The following DLGAP4 variants were observed in gnomAD, a reference collection of about 807,000 sequenced individuals.
DLGAP4 encodes the protein disks large-associated protein 4.
A neutral mutation model predicts 86.9 loss-of-function variants in DLGAP4; 18 were observed. The ratio of observed to expected loss-of-function variants is 0.21; its 90% CI spans 0.14 to 0.31. The LOEUF (loss-of-function observed/expected upper bound fraction) is 0.31. Among genes scored for constraint, DLGAP4 ranks in the 10% least tolerant of loss-of-function variants. The pLI is 1.00. For missense variants in DLGAP4, 1,085 were observed against 1,362.6 expected (o/e 0.80, Z 3.21); for synonymous variants, 548 against 574.3 (o/e 0.95, Z 0.65).
In DLGAP4 at chr20:36,341,975, G is replaced by A. The variant is rs1458232187; in HGVS notation, c.-303-25070G>A. On this transcript the variant is annotated intron_variant, in intron 1 of 12. Coordinates refer to ENST00000339266, the MANE Select transcript of DLGAP4 (RefSeq NM_001365621.2). ...TTCTCCTCATTTCTTTGAGCAGATTGAAGAGTGGGAACAGCAGCAGGCTGT... is the reference window on the plus strand; with the variant it reads ...TTCTCCTCATTTCTTTGAGCAGATTAAAGAGTGGGAACAGCAGCAGGCTGT... Among the ~76,000 whole-genome samples, 3 of 152,218 alleles carry A rather than the reference G, an allele frequency of 2.0e-5. No homozygotes were observed. In the East Asian group the frequency reaches 5.8e-4, roughly 29 times the overall value.
intron 2 of DLGAP4, among the ~76,000 whole-genome samples, chr20:36,411,849 C>T (rs1322479243): frequency 6.6e-6 from 1 of 152,076 alleles, no homozygotes; most frequent in African/African-American, 2.4e-5. Flanking sequence ...CTACTTATCC[C>T]TTTTTATGAA....
At chr20:36,416,839 C>T (rs890883389) in intron 2 of DLGAP4, among the ~76,000 whole-genome samples, 5 of 152,098 alleles carry the variant, frequency 3.3e-5, no homozygotes, top group Non-Finnish European at 7.4e-5. Flanking sequence ...GTGGAGAGGC[C>T]TATCCATCAA....
chr20:36,383,577 A>G (rs528378791), intron 2 of DLGAP4, among the ~76,000 whole-genome samples: 8 of 152,202 alleles, frequency 5.3e-5, no homozygotes, highest in African/African-American at 1.9e-4. Flanking sequence ...TTCCTAGTCA[A>G]GAACCTCCAG....
intron 7 of DLGAP4, among the ~76,000 whole-genome samples, chr20:36,471,136 T>G (rs577877728): frequency 1.3e-5 from 2 of 152,340 alleles, no homozygotes; most frequent in Non-Finnish European, 2.9e-5. Context: ...GTTTCCTCCA[T>G]GAGCTCCTCT....
At chr20:36,509,115 A>G (rs114898074) in intron 10 of DLGAP4, among the ~76,000 whole-genome samples, 204 of 152,234 alleles carry the variant, frequency 1.3e-3, no homozygotes, top group African/African-American at 4.4e-3. Flanking sequence ...TCATTCTTCT[A>G]TTGGATTCTC....
intron 2 of DLGAP4, among the ~76,000 whole-genome samples, chr20:36,381,326 A>G (rs915584705): frequency 4.6e-5 from 7 of 152,260 alleles, no homozygotes; most frequent in Non-Finnish European, 1.0e-4. Context: ...GTCAAAACAG[A>G]GGATTTATTT....
intron 2 of DLGAP4, among the ~76,000 whole-genome samples, chr20:36,370,348 A>AG (rs1269173198): frequency 2.0e-5 from 3 of 152,066 alleles, no homozygotes; most frequent in South Asian, 2.1e-4. Flanking sequence ...AAAAAAAAAA[A>AG]AATTTAAATA....
chr20:36,421,869 G>T (rs575043623), intron 2 of DLGAP4, among the ~76,000 whole-genome samples: 1 of 152,168 alleles, frequency 6.6e-6, no homozygotes, highest in Non-Finnish European at 1.5e-5. Flanking sequence ...GAGACAGATT[G>T]GGCGGAAGAT....
chr20:36,417,941 T>C (rs2032709759), intron 2 of DLGAP4, among the ~76,000 whole-genome samples: 1 of 148,500 alleles, frequency 6.7e-6, no homozygotes, highest in African/African-American at 2.5e-5. Context: ...CTCGCCACCA[T>C]GCCCAGCTAA....
chr20:36,523,688 G>C (rs899787742), intron 10 of DLGAP4, among the ~76,000 whole-genome samples: 1 of 152,120 alleles, frequency 6.6e-6, no homozygotes, highest in Non-Finnish European at 1.5e-5. Context: ...TTTTGAGACT[G>C]AGTCTCCCTC....
intron 2 of DLGAP4, among the ~76,000 whole-genome samples, chr20:36,410,138 A>C (rs182776017): frequency 6.6e-6 from 1 of 152,318 alleles, no homozygotes; most frequent in East Asian, 1.9e-4. Flanking sequence ...ATACGAATAA[A>C]ATTCTTGGAC....
At chr20:36,396,517 AT>A (rs2031989400) in intron 2 of DLGAP4, among the ~76,000 whole-genome samples, 1 of 81,742 alleles carries the variant, frequency 1.2e-5, no homozygotes, top group Admixed American at 1.2e-4. Context: ...CACACACCAC[AT>A]ACATACACGT....
chr20:36,416,948 C>T (rs536094147), intron 2 of DLGAP4, among the ~76,000 whole-genome samples: 79 of 152,284 alleles, frequency 5.2e-4, no homozygotes, highest in Middle Eastern at 3.4e-3. Context: ...TGATTGTGCA[C>T]CTACTAGGTG....
intron 7 of DLGAP4, among the ~76,000 whole-genome samples, chr20:36,493,439 G>A (rs557419848): frequency 6.6e-6 from 1 of 152,328 alleles, no homozygotes; most frequent in African/African-American, 2.4e-5. Flanking sequence ...GCAGTATGCT[G>A]TGACCCAGTG....
At chr20:36,344,711 T>C (rs541559965) in intron 1 of DLGAP4, among the ~76,000 whole-genome samples, 1 of 152,340 alleles carries the variant, frequency 6.6e-6, no homozygotes, top group South Asian at 2.1e-4. Context: ...TTCAGAACCT[T>C]GGACAGCTCC....
intron 7 of DLGAP4, among the ~76,000 whole-genome samples, chr20:36,486,861 G>A (rs774017046): frequency 7.2e-5 from 11 of 151,728 alleles, no homozygotes; most frequent in Non-Finnish European, 7.4e-5. Context: ...ATCCGCCCGC[G>A]TCAGCCTCCC....
intron 7 of DLGAP4, among the ~76,000 whole-genome samples, chr20:36,473,539 T>C (rs939044768): frequency 6.6e-6 from 1 of 152,330 alleles, no homozygotes; most frequent in South Asian, 2.1e-4. Flanking sequence ...GGGTCTCAAG[T>C]TCCTATTTCC....
rs1188619599 is a variant in DLGAP4 at position 36,334,719 on chromosome 20, G to C, written c.-304+28207G>C. ...GGCAGTCTGGCTGAGCCCTGGAGGT[G>C]AGGAATGCTGGTTACTGAGATTGGG... On this transcript the variant is annotated intron_variant, in intron 1 of 12. Transcript: ENST00000339266. 2.6e-5 allele frequency among the ~76,000 whole-genome samples: 4 copies of C among 152,280 alleles called. No individual in the cohort carries two copies. In the East Asian group the frequency reaches 7.7e-4, roughly 29 times the overall value.
At chr20:36,335,830 C>T (rs2065316061) in intron 1 of DLGAP4, among the ~76,000 whole-genome samples, 1 of 152,188 alleles carries the variant, frequency 6.6e-6, no homozygotes, top group Non-Finnish European at 1.5e-5. Context: ...CCTTTGGGAC[C>T]TGGTTTCCCA....
Sources: gnomAD v4.1 joint callset for allele counts (sites outside exome capture counted in the v4.1 genomes callset) on GRCh38, gnomAD v4.1.1 for gene constraint, MANE v1.5 for transcripts, NCBI Gene and HGNC (gene_info 2026-07-23, HGNC 2026-07-21) for gene names.